RABGAP1L: variants seen among roughly 807,000 people sequenced by gnomAD.
The protein encoded by RABGAP1L is RAB GTPase activating protein 1 like.
RABGAP1L carries 63 observed loss-of-function variants against 137.7 expected under a neutral mutation model. That is an observed-to-expected ratio of 0.46 (90% CI 0.37 to 0.56). RABGAP1L has a LOEUF of 0.56. Ranked by LOEUF, RABGAP1L falls within the 20% of genes least tolerant of loss-of-function variation. RABGAP1L has a pLI of 0.00. For missense variants in RABGAP1L, 1,095 were observed against 1,244.0 expected (o/e 0.88, Z 1.80); for synonymous variants, 431 against 433.7 (o/e 0.99, Z 0.08).
intron 19 of RABGAP1L, among the ~76,000 whole-genome samples, chr1:174,918,618 A>G (rs1661266620): frequency 6.6e-6 from 1 of 152,120 alleles, no homozygotes; most frequent in African/African-American, 2.4e-5. Context: ...CCTCGTCTCT[A>G]GAAAAAAAGT....
At chr1:174,596,076 G>T (rs1219330841) in intron 13 of RABGAP1L, among the ~76,000 whole-genome samples, 1 of 122,592 alleles carries the variant, frequency 8.2e-6, no homozygotes, top group Non-Finnish European at 1.6e-5. Flanking sequence ...TTCTTAAGCC[G>T]GTCTGAAAAG....
chr1:174,682,348 C>G (rs1231500160), intron 14 of RABGAP1L, among the ~76,000 whole-genome samples: 1 of 150,530 alleles, frequency 6.6e-6, no homozygotes, highest in East Asian at 1.9e-4. Flanking sequence ...ACATACATCA[C>G]AACAACTAAA....
intron 3 of RABGAP1L, among the ~76,000 whole-genome samples, chr1:174,225,393 G>GATC (rs1670088485): frequency 1.3e-5 from 2 of 151,384 alleles, no homozygotes; most frequent in Non-Finnish European, 2.9e-5. Context: ...CTTGAGAATA[G>GATC]ATCACCCTTT....
At chr1:174,755,284 C>G (rs1684649416) in intron 18 of RABGAP1L, among the ~76,000 whole-genome samples, 1 of 152,202 alleles carries the variant, frequency 6.6e-6, no homozygotes, top group African/African-American at 2.4e-5. Flanking sequence ...TAGGCAGCAT[C>G]ATGAAATCAT....
rs370241491 is a variant in RABGAP1L, at chr1:174,638,478, C to T, written c.1824+990C>T. ...TCAACCATTGTGGAAGTCAGTGTGG[C>T]GATTCCTCAGGGATCTAGAACTAGA... On this transcript the variant is annotated intron_variant, in intron 14 of 25. Transcript: ENST00000681986. Among the ~76,000 whole-genome samples, 17 of 151,780 alleles carry T rather than the reference C, an allele frequency of 1.1e-4. No homozygotes were observed. In the East Asian group the frequency reaches 1.7e-3, roughly 16 times the overall value.
chr1:174,781,951 C>A (rs1687046842), intron 18 of RABGAP1L, among the ~76,000 whole-genome samples: 1 of 152,182 alleles, frequency 6.6e-6, no homozygotes, highest in African/African-American at 2.4e-5. Context: ...CAGTACCATG[C>A]TGTTTTGGTT....
chr1:174,728,710 C>T (rs1250096983), intron 17 of RABGAP1L, among the ~76,000 whole-genome samples: 1 of 149,826 alleles, frequency 6.7e-6, no homozygotes, highest in Non-Finnish European at 1.5e-5. Flanking sequence ...GGTACGATCT[C>T]GGCTCACTGC....
intron 11 of RABGAP1L, among the ~76,000 whole-genome samples, chr1:174,305,968 A>G (rs1017810173): frequency 1.3e-5 from 2 of 152,072 alleles, no homozygotes; most frequent in South Asian, 2.1e-4. Context: ...CCTGTGTCCA[A>G]GTGTTCTCAT....
intron 17 of RABGAP1L, among the ~76,000 whole-genome samples, chr1:174,730,292 G>C (rs1260992583): frequency 6.6e-6 from 1 of 152,152 alleles, no homozygotes; most frequent in Non-Finnish European, 1.5e-5. Flanking sequence ...ATAGACACTG[G>C]AACAACTCTA....
intron 10 of RABGAP1L, among the ~76,000 whole-genome samples, chr1:174,281,070 C>A (rs1258676878): frequency 6.6e-6 from 1 of 152,144 alleles, no homozygotes; most frequent in Non-Finnish European, 1.5e-5. Context: ...AGGAGTGAAG[C>A]TGCAGACCTT....
At chr1:174,975,409 C>A (rs1263509265) in intron 21 of RABGAP1L, among the ~76,000 whole-genome samples, 1 of 152,164 alleles carries the variant, frequency 6.6e-6, no homozygotes, top group African/African-American at 2.4e-5. Context: ...TAGACATCAT[C>A]ATTCTAGAAA....
chr1:174,586,918 C>CA (rs1669157872), intron 13 of RABGAP1L, among the ~76,000 whole-genome samples: 1 of 152,016 alleles, frequency 6.6e-6, no homozygotes, highest in Admixed American at 6.6e-5. Context: ...TTAAAAAGTA[C>CA]AATATGAGTG....
intron 13 of RABGAP1L, among the ~76,000 whole-genome samples, chr1:174,628,240 G>A (rs904169630): frequency 6.6e-6 from 1 of 152,080 alleles, no homozygotes; most frequent in East Asian, 1.9e-4. Flanking sequence ...ATACATGATT[G>A]GAAATTAAAC....
At chr1:174,192,244 C>A (rs972936644) in intron 1 of RABGAP1L, among the ~76,000 whole-genome samples, 5 of 150,630 alleles carry the variant, frequency 3.3e-5, no homozygotes, top group Non-Finnish European at 4.4e-5. Flanking sequence ...TTGATTATTT[C>A]TCTAACTGCG....
intron 11 of RABGAP1L, among the ~76,000 whole-genome samples, chr1:174,305,632 C>T (rs1487691202): frequency 5.3e-5 from 8 of 152,062 alleles, no homozygotes; most frequent in Non-Finnish European, 7.4e-5. Flanking sequence ...GTAATCTGCC[C>T]GCCTCAGCCT....
At chr1:174,689,886 A>G (rs1319755300) in intron 15 of RABGAP1L, among the ~76,000 whole-genome samples, 2 of 152,212 alleles carry the variant, frequency 1.3e-5, no homozygotes, top group Non-Finnish European at 2.9e-5. Context: ...AGGATGCTAA[A>G]CAGGTACATC....
At chr1:174,869,999 A>G (rs776602542) in intron 19 of RABGAP1L, among the ~76,000 whole-genome samples, 5 of 152,190 alleles carry the variant, frequency 3.3e-5, no homozygotes, top group Non-Finnish European at 7.3e-5. Context: ...AGCAGCCCAA[A>G]CAGACTAAGA....
At chr1:174,251,672 A>G (rs993311499) in intron 6 of RABGAP1L, among the ~76,000 whole-genome samples, 3 of 152,140 alleles carry the variant, frequency 2.0e-5, no homozygotes, top group Non-Finnish European at 4.4e-5. Context: ...CCTGTTATGT[A>G]TCTCTTTGTC....
intron 13 of RABGAP1L, among the ~76,000 whole-genome samples, chr1:174,479,498 A>G (rs1339515176): frequency 2.6e-5 from 4 of 152,164 alleles, no homozygotes; most frequent in African/African-American, 9.7e-5. Flanking sequence ...CAATTTGAGA[A>G]ACTGATACTT....
Sources: allele counts gnomAD v4.1 joint callset (sites outside exome capture counted in the v4.1 genomes callset), GRCh38; gene constraint gnomAD v4.1.1; transcripts MANE v1.5; gene names NCBI Gene and HGNC (gene_info 2026-07-23, HGNC 2026-07-21).